UGT2B15: variants seen among roughly 807,000 people sequenced by gnomAD.
UGT2B15 encodes UDP-glucuronosyltransferase 2B15.
A neutral mutation model predicts 45.9 loss-of-function variants in UGT2B15; 36 were observed. The observed-to-expected ratio is 0.78, with a 90% confidence interval of 0.60 to 1.04. The LOEUF (loss-of-function observed/expected upper bound fraction) is 1.04. Among genes scored for constraint, UGT2B15 ranks in the 50% least tolerant of loss-of-function variants. The pLI, the probability that UGT2B15 is intolerant of heterozygous loss-of-function variation, is 0.00. For missense variants in UGT2B15, 617 were observed against 622.4 expected (o/e 0.99, Z 0.09); for synonymous variants, 219 against 216.4 (o/e 1.01, Z -0.11).
intron 3 of UGT2B15, among the ~76,000 whole-genome samples, chr4:68,662,669 C>T (rs1398040986): frequency 4.6e-5 from 7 of 151,798 alleles, no homozygotes; most frequent in Non-Finnish European, 1.0e-4. Flanking sequence ...TATACAGTAC[C>T]TTCTAAAATC....
At position 68,668,042 on chromosome 4, in the gene UGT2B15, T is replaced by C. The variant is rs1733191411; in HGVS notation, c.871A>G (p.Lys291Glu). Residue 291 changes from lysine to glutamate, a missense_variant and splice_region_variant, in exon 2 of 6, where the codon AAG becomes GAG. Lys to Glu is a moderately conservative substitution (Grantham distance 56, BLOSUM62 1). Transcript: ENST00000338206. ...LHCKPAKPLP[K>E]EMEEFVQSSG... is the part of the protein sequence containing the mutation. ...AAATGAAACAAGAATACATTTACCTTAGGCAGGGGTTTGGCTGGTTTACAG... is the reference window on the plus strand; with the variant it reads ...AAATGAAACAAGAATACATTTACCTCAGGCAGGGGTTTGGCTGGTTTACAG... The C allele has an allele frequency of 2.5e-6, 4 of 1,613,722 alleles. No homozygotes were observed. Among genetic ancestry groups the C allele is most frequent in the Non-Finnish European group, 3.4e-6 (4 of 1,179,894 alleles).
chr4:68,666,935 C>T (rs559655610), intron 2 of UGT2B15, among the ~76,000 whole-genome samples: 15 of 151,188 alleles, frequency 9.9e-5, no homozygotes, highest in East Asian at 7.8e-4. Context: ...TTAGTAGAGA[C>T]GGGGTTTCAC....
intron 1 of UGT2B15, 139 bp downstream of exon 1, chr4:68,669,756 G>A (rs1437978627): frequency 1.6e-6 from 2 of 1,261,322 alleles, no homozygotes; most frequent in Non-Finnish European, 2.2e-6. Flanking sequence ...ATATTTTTGA[G>A]ACTGATAGAT....
chr4:68,667,421 C>T (rs1578201165), intron 2 of UGT2B15, among the ~76,000 whole-genome samples: 1 of 152,188 alleles, frequency 6.6e-6, no homozygotes, highest in African/African-American at 2.4e-5. Context: ...AGCAATCATG[C>T]CTTCTCTGCC....
At position 68,669,530 on chromosome 4, in the gene UGT2B15, T is replaced by A. The variant is rs1362464080; in HGVS notation, c.724+365A>T. ...TGCATTGATAATTTTTCTAGAAATA[T>A]GTGTAAATACTAAATTTATGTGTCT... On this transcript the variant is annotated intron_variant, in intron 1 of 5. Coordinates refer to ENST00000338206, the MANE Select transcript of UGT2B15 (RefSeq NM_001076.4). Among the ~76,000 whole-genome samples, 3 of 152,154 alleles carry A rather than the reference T, an allele frequency of 2.0e-5. No individual in the cohort carries two copies. In the East Asian group the frequency reaches 5.8e-4, roughly 29 times the overall value.
At chr4:68,655,440 T>G (rs1052374923) in intron 3 of UGT2B15, among the ~76,000 whole-genome samples, 1 of 151,922 alleles carries the variant, frequency 6.6e-6, no homozygotes, top group African/African-American at 2.4e-5. Context: ...ACACATGAGA[T>G]TGTGAAAGGA....
chr4:68,647,289 G>C lies in UGT2B15; in HGVS notation c.1408C>G (p.Arg470Gly). 2 of 1,613,914 alleles carry C rather than the reference G, an allele frequency of 1.2e-6. No individual in the cohort carries two copies. The highest frequency in any genetic ancestry group is 8.5e-7 in the Non-Finnish European group (1 of 1,179,872). Residue 470 changes from arginine to glycine, a missense_variant, in exon 6 of 6, where the codon CGC becomes GGC. By Grantham distance (125) the Arg-to-Gly change is moderately radical. Coordinates refer to ENST00000338206, the MANE Select transcript of UGT2B15 (RefSeq NM_001076.4). ...CGAAGGTGCTTGGCTCCTTTGTGGC[G>C]CATGACAAACTCAATCCAGAAGACT... ...RAVFWIEFVMRHKGAKHLRVA... is the reference protein window; with the variant it reads ...RAVFWIEFVMGHKGAKHLRVA...
intron 5 of UGT2B15, among the ~76,000 whole-genome samples, chr4:68,648,201 G>T (rs1196101303): frequency 6.6e-6 from 1 of 152,008 alleles, no homozygotes; most frequent in African/African-American, 2.4e-5. Context: ...CTGGTTTCTT[G>T]TTACATTAAG....
chr4:68,666,377 G>A (rs1271173770), intron 2 of UGT2B15, among the ~76,000 whole-genome samples: 3 of 152,062 alleles, frequency 2.0e-5, no homozygotes, highest in Non-Finnish European at 4.4e-5. Context: ...GCTGGCACAT[G>A]TTAGCTAATT....
chr4:68,650,502 A>G (rs1298243477), intron 5 of UGT2B15, among the ~76,000 whole-genome samples: 2 of 152,062 alleles, frequency 1.3e-5, no homozygotes, highest in African/African-American at 4.8e-5. Flanking sequence ...GGTGCATAGT[A>G]TTCCATAGTG....
In UGT2B15 at chr4:68,654,087, C is replaced by T. The variant is rs1372328944; in HGVS notation, c.1263G>A (p.Met421Ile). 6 of 1,613,482 alleles carry T rather than the reference C, an allele frequency of 3.7e-6. No individual in the cohort carries two copies. Among genetic ancestry groups the T allele is most frequent in the Non-Finnish European group, 5.1e-6 (6 of 1,179,670 alleles). Residue 421 changes from methionine (M) to isoleucine (I), a missense_variant, in exon 5 of 6, where the codon ATG becomes ATA. By Grantham distance (10) the Met-to-Ile change is conservative. This residue lies in a region of UGT2B15 where 265 missense variants were observed against 245.1 expected (regional missense o/e 1.08). Coordinates refer to ENST00000338206, the MANE Select transcript of UGT2B15 (RefSeq NM_001076.4). The part of the protein sequence containing the change: ...GAALSVDIRT[M>I]SSRDLLNALK... ...ATGCATTGAGCAAATCTCTACTTGA[C>T]ATGGTCCTGATGTCCACACTGAGGG...
chr4:68,669,532 T>C (rs1186243418), intron 1 of UGT2B15, among the ~76,000 whole-genome samples: 2 of 152,182 alleles, frequency 1.3e-5, no homozygotes, highest in Admixed American at 1.3e-4. Flanking sequence ...TAGAAATATG[T>C]GTAAATACTA....
In UGT2B15 at chr4:68,646,864, A is replaced by G. The variant is rs146773919; in HGVS notation, c.*240T>C. ...AGTAACTCGTCATTTAACATTAGGT[A>G]TATCTCCAAATGCTATCCTTCCCCC... On this transcript the variant is annotated 3_prime_UTR_variant, in exon 6 of 6. Transcript: ENST00000338206. 1,215 of 576,594 alleles carry G rather than the reference A, an allele frequency of 2.1e-3. 15 individuals are homozygous for G. Among genetic ancestry groups the G allele is most frequent in the African/African-American group, 0.02 (1,091 of 53,552 alleles). The allele number at this position is 576,594 out of a possible 1,614,324, so 35.7% of individuals were successfully genotyped here. A position where few individuals can be genotyped will look rare whatever the true frequency, so the allele number is the denominator to read the frequency against.
intron 2 of UGT2B15, among the ~76,000 whole-genome samples, chr4:68,666,097 A>C (rs1283676541): frequency 2.6e-5 from 4 of 152,128 alleles, no homozygotes; most frequent in Non-Finnish European, 5.9e-5. Context: ...TACTGGCACT[A>C]TCACTTTCTT....
intron 3 of UGT2B15, among the ~76,000 whole-genome samples, chr4:68,659,116 G>A (rs899395183): frequency 6.6e-6 from 1 of 151,922 alleles, no homozygotes; most frequent in Non-Finnish European, 1.5e-5. Context: ...TTTATAGATT[G>A]TTCATAAAAT....
At chr4:68,669,166 A>G (rs1578201946) in intron 1 of UGT2B15, among the ~76,000 whole-genome samples, 1 of 152,210 alleles carries the variant, frequency 6.6e-6, no homozygotes, top group Admixed American at 6.5e-5. Context: ...ATATTTACAA[A>G]TGAGAATTAA....
At chr4:68,656,290 G>A (rs1287870032) in intron 3 of UGT2B15, among the ~76,000 whole-genome samples, 1 of 151,952 alleles carries the variant, frequency 6.6e-6, no homozygotes, top group Admixed American at 6.6e-5. Context: ...CCCATCCGTA[G>A]GTAAACAGCT....
intron 3 of UGT2B15, among the ~76,000 whole-genome samples, chr4:68,661,364 G>T (rs1259432903): frequency 6.6e-6 from 1 of 151,892 alleles, no homozygotes; most frequent in African/African-American, 2.4e-5. Flanking sequence ...ACTGAGACCT[G>T]TATCAGATAT....
Position 68,670,248 on chromosome 4 carries a change from C to T in UGT2B15, c.371G>A (p.Ser124Asn). Reference protein sequence around the residue: ...QELCWEYYDYSNKLCKDAVLN... With the variant: ...QELCWEYYDYNNKLCKDAVLN... ...AACTGCATCTTTACAGAGCTTGTTA[C>T]TGTAGTCATAATATTCCCAACACAA... Residue 124 changes from serine to asparagine, a missense_variant, in exon 1 of 6, where the codon AGT becomes AAT. Coordinates refer to ENST00000338206, the MANE Select transcript of UGT2B15 (RefSeq NM_001076.4). 6.2e-7 allele frequency: 1 copy of T among 1,613,972 alleles called. No individual in the cohort carries two copies. The highest frequency in any genetic ancestry group is 8.5e-7 in the Non-Finnish European group (1 of 1,179,978).
Sources: allele counts gnomAD v4.1 joint callset (sites outside exome capture counted in the v4.1 genomes callset), GRCh38; gene constraint gnomAD v4.1.1; regional missense constraint gnomAD v4.1.1; transcripts MANE v1.5; gene names NCBI Gene and HGNC (gene_info 2026-07-23, HGNC 2026-07-21).